The following DDX4 variants were observed in gnomAD, a reference collection of about 807,000 sequenced individuals.
DDX4 encodes DEAD-box helicase 4, also known as probable ATP-dependent RNA helicase DDX4.
In DDX4, 25 loss-of-function variants were observed where a neutral mutation model predicts 100.0. The ratio of observed to expected loss-of-function variants is 0.25; its 90% CI spans 0.18 to 0.35. DDX4 has a LOEUF of 0.35. Ranked by LOEUF, DDX4 falls within the 10% of genes least tolerant of loss-of-function variation. DDX4 has a pLI of 1.00. For missense variants in DDX4, 635 were observed against 882.4 expected, an observed-to-expected ratio of 0.72 and a Z score of 3.55; for synonymous variants, 259 against 275.7, an observed-to-expected ratio of 0.94 and a Z score of 0.60.
At chr5:55,787,114 A>G (rs1207353218) in intron 14 of DDX4, among the ~76,000 whole-genome samples, 1 of 152,212 alleles carries the variant, frequency 6.6e-6, no homozygotes, top group Non-Finnish European at 1.5e-5. Context: ...AAGTCTGATG[A>G]AACCAGTTGG....
chr5:55,777,895 C>G (rs1356205604), intron 7 of DDX4, among the ~76,000 whole-genome samples: 1 of 151,958 alleles, frequency 6.6e-6, no homozygotes, highest in Non-Finnish European at 1.5e-5. Context: ...TACTAAGATG[C>G]ACAAAGGAAA....
At chr5:55,785,687 A>C (rs1404685534) in intron 12 of DDX4, 42 bp from the exon 13 acceptor site, 1 of 1,544,788 alleles carries the variant, frequency 6.5e-7, no homozygotes, top group Admixed American at 1.9e-5. Flanking sequence ...ATTTTCTTGT[A>C]GTCTCTGTAA....
chr5:55,811,998 GT>G (rs917434922), intron 18 of DDX4, among the ~76,000 whole-genome samples: 2 of 151,684 alleles, frequency 1.3e-5, no homozygotes, highest in African/African-American at 4.8e-5. Context: ...AGATGTTTTG[GT>G]TTTTTTTAAA....
intron 7 of DDX4, among the ~76,000 whole-genome samples, chr5:55,778,802 G>A (rs1042498499): frequency 1.2e-4 from 18 of 151,978 alleles, no homozygotes; most frequent in African/African-American, 4.3e-4. Flanking sequence ...GCTGAGACAG[G>A]AGAATCGCTT....
chr5:55,757,799 T>C (rs1760029306), intron 3 of DDX4, among the ~76,000 whole-genome samples: 2 of 152,124 alleles, frequency 1.3e-5, no homozygotes, highest in Non-Finnish European at 2.9e-5. Flanking sequence ...GTCCCAGCAC[T>C]ATGGGAGGCT....
At chr5:55,792,278 A>G (rs1056892641) in intron 16 of DDX4, among the ~76,000 whole-genome samples, 5 of 152,134 alleles carry the variant, frequency 3.3e-5, no homozygotes, top group African/African-American at 9.6e-5. Context: ...ATATACAGTA[A>G]TATTATCTAA....
chr5:55,764,126 A>G (rs963370210), intron 6 of DDX4, 62 bp downstream of exon 6: 10 of 1,212,924 alleles, frequency 8.2e-6, no homozygotes, highest in African/African-American at 7.5e-5. Flanking sequence ...AAAAAGAGAA[A>G]TTAAGATTAA....
intron 7 of DDX4, among the ~76,000 whole-genome samples, chr5:55,768,440 C>T (rs1404364768): frequency 6.6e-6 from 1 of 152,158 alleles, no homozygotes; most frequent in African/African-American, 2.4e-5. Context: ...ATTCATGTTC[C>T]TGCAAAGGAC....
At chr5:55,797,922 A>G (rs1743064842) in intron 17 of DDX4, among the ~76,000 whole-genome samples, 1 of 152,204 alleles carries the variant, frequency 6.6e-6, no homozygotes, top group Admixed American at 6.5e-5. Context: ...CGTGACAGAC[A>G]GAGCACTGAC....
At position 55,792,790 on chromosome 5, in the gene DDX4, TC is replaced by T; in HGVS notation, c.1454del (p.Pro485GlnfsTer12). On this transcript the variant is annotated frameshift_variant, in exon 17 of 22. Coordinates refer to ENST00000505374, the MANE Select transcript of DDX4 (RefSeq NM_024415.3). LOFTEE classifies it high-confidence loss of function. ...RQTLMFSATF[P>X]EEIQRLAAEF... Reference sequence around the variant, plus strand: ...AAACCCTTATGTTCAGTGCAACTTTTCCAGAGGAAATTCAAAGGTTAAGTTT... The same window carrying T: ...AAACCCTTATGTTCAGTGCAACTTTTCAGAGGAAATTCAAAGGTTAAGTTT... 1 of 1,429,022 alleles carries T rather than the reference TC, an allele frequency of 7.0e-7. No individual in the cohort carries two copies. Among genetic ancestry groups the T allele is most frequent in the South Asian group, 1.9e-5 (1 of 52,280 alleles). 88.5% of individuals were successfully genotyped at this position (1,429,022 alleles called of 1,614,324 possible).
chr5:55,761,216 T>G (rs1580533785), intron 4 of DDX4, among the ~76,000 whole-genome samples: 1 of 152,182 alleles, frequency 6.6e-6, no homozygotes, highest in Admixed American at 6.5e-5. Context: ...GATGCATTGT[T>G]TATTTGGACA....
intron 18 of DDX4, 28 bp from the exon 19 acceptor site, chr5:55,813,645 G>A: frequency 1.3e-6 from 2 of 1,518,538 alleles, no homozygotes; most frequent in Non-Finnish European, 1.8e-6. Context: ...TTTGAAGTTT[G>A]AATATTAATA....
chr5:55,742,118 G>A (rs1354457201), intron 2 of DDX4: 3 of 455,650 alleles, frequency 6.6e-6, no homozygotes, highest in Non-Finnish European at 1.3e-5. Context: ...TACCACCTGG[G>A]AATAGAACAG....
rs924278899 is a variant in DDX4 at position 55,773,592 on chromosome 5, T to C, written c.394+5652T>C. On this transcript the variant is annotated intron_variant, in intron 7 of 21. Transcript: ENST00000505374. ...GGTGTTTTTTTAATTATAGCCATTC[T>C]ACTGAGTATGAAGTGGTATCTCATT... Among the ~76,000 whole-genome samples the C allele has an allele frequency of 4.7e-5, 7 of 149,442 alleles. No individual in the cohort carries two copies. In the East Asian group the frequency reaches 1.4e-3, roughly 30 times the overall value.
intron 18 of DDX4, among the ~76,000 whole-genome samples, chr5:55,799,709 C>T (rs752646417): frequency 9.2e-5 from 14 of 151,828 alleles, no homozygotes; most frequent in Admixed American, 5.2e-4. Flanking sequence ...TTTTTTAGTT[C>T]GGTTGTTTAG....
chr5:55,782,503 C>CA (rs778965914), intron 10 of DDX4, among the ~76,000 whole-genome samples: 2 of 151,814 alleles, frequency 1.3e-5, no homozygotes, highest in Non-Finnish European at 2.9e-5. Context: ...GAGGCTAAGG[C>CA]AGGAGAATCG....
intron 18 of DDX4, among the ~76,000 whole-genome samples, chr5:55,813,359 T>C (rs1433552883): frequency 1.3e-5 from 2 of 152,190 alleles, no homozygotes; most frequent in Non-Finnish European, 2.9e-5. Context: ...AGGAAAGGAC[T>C]GAGACAATTT....
intron 6 of DDX4, chr5:55,767,074 A>G: frequency 7.3e-7 from 1 of 1,369,446 alleles, no homozygotes; most frequent in Non-Finnish European, 9.6e-7. Flanking sequence ...ATATCCCCAA[A>G]TTATTTCATT....
chr5:55,743,522 T>C (rs1297490784), intron 2 of DDX4, among the ~76,000 whole-genome samples: 1 of 152,142 alleles, frequency 6.6e-6, no homozygotes, highest in Non-Finnish European at 1.5e-5. Flanking sequence ...CTCCACCTCC[T>C]GGGTTCAGGC....
Sources: allele counts gnomAD v4.1 joint callset (sites outside exome capture counted in the v4.1 genomes callset), GRCh38; gene constraint gnomAD v4.1.1; transcripts MANE v1.5; gene names NCBI Gene and HGNC (gene_info 2026-07-23, HGNC 2026-07-21).